PROS1: variants seen among roughly 807,000 people sequenced by gnomAD.
PROS1 encodes vitamin K-dependent protein S.
Under a neutral mutation model 75.9 loss-of-function variants are expected in PROS1, and 29 were observed. The ratio of observed to expected loss-of-function variants is 0.38; its 90% CI spans 0.28 to 0.52. The LOEUF is 0.52. PROS1 is among the 20% of genes least tolerant of loss of function. The pLI is 0.83. For synonymous variants in PROS1, 245 were observed against 280.6 expected (o/e 0.87, Z 1.27); for missense variants, 680 against 810.3 (o/e 0.84, Z 1.95).
intron 3 of PROS1, among the ~76,000 whole-genome samples, chr3:93,913,763 C>T (rs755682129): frequency 2.0e-5 from 3 of 152,142 alleles, no homozygotes; most frequent in Non-Finnish European, 2.9e-5. Context: ...ATACTAGCAC[C>T]AACTCAAAAG....
chr3:93,889,314 T>A lies in PROS1; in HGVS notation c.1156-2811A>T, dbSNP rs8178646. On this transcript the variant is annotated intron_variant, in intron 10 of 14. Coordinates refer to ENST00000394236, the MANE Select transcript of PROS1 (RefSeq NM_000313.4). Reference sequence around the variant, plus strand: ...ACGCAAGCTCCATAAGAGCACTGACTTTTTTTTATTTGCTGTTGTATCTTT... The same window carrying A: ...ACGCAAGCTCCATAAGAGCACTGACATTTTTTTATTTGCTGTTGTATCTTT... Among the ~76,000 whole-genome samples, 950 of 152,160 alleles carry A rather than the reference T, an allele frequency of 6.2e-3. 9 individuals carry two copies. Among genetic ancestry groups the A allele is most frequent in the African/African-American group, 0.018 (761 of 41,516 alleles).
chr3:93,929,174 A>T (rs1709069512), intron 1 of PROS1, among the ~76,000 whole-genome samples: 1 of 152,158 alleles, frequency 6.6e-6, no homozygotes, highest in Non-Finnish European at 1.5e-5. Flanking sequence ...AATGACTTAA[A>T]TATCTATCAA....
chr3:93,957,223 G>A (rs1477796070), intron 1 of PROS1, among the ~76,000 whole-genome samples: 1 of 152,074 alleles, frequency 6.6e-6, no homozygotes, highest in African/African-American at 2.4e-5. Flanking sequence ...TTTATGATAT[G>A]AAACATCAAG....
intron 2 of PROS1, among the ~76,000 whole-genome samples, chr3:93,926,557 G>A (rs1446308506): frequency 6.6e-6 from 1 of 152,140 alleles, no homozygotes. Flanking sequence ...TCTTGAACCC[G>A]GGAAGTGGGG....
At chr3:93,944,239 T>C (rs1298311011) in intron 1 of PROS1, among the ~76,000 whole-genome samples, 2 of 150,818 alleles carry the variant, frequency 1.3e-5, no homozygotes, top group African/African-American at 2.5e-5. Flanking sequence ...CACCTAAAAC[T>C]AACCCAGTTT....
intron 3 of PROS1, among the ~76,000 whole-genome samples, chr3:93,916,219 C>A (rs185716179): frequency 1.3e-5 from 2 of 152,230 alleles, no homozygotes; most frequent in Admixed American, 1.3e-4. Flanking sequence ...ATCTTTGGTT[C>A]ATTTGTCCTT....
chr3:93,912,453 G>A (rs149123387), intron 3 of PROS1, among the ~76,000 whole-genome samples: 1 of 152,238 alleles, frequency 6.6e-6, no homozygotes, highest in African/African-American at 2.4e-5. Context: ...TATGTCTGGG[G>A]CGGGGAGGGG....
At chr3:93,954,856 C>A (rs1186042559) in intron 1 of PROS1, among the ~76,000 whole-genome samples, 1 of 152,138 alleles carries the variant, frequency 6.6e-6, no homozygotes, top group African/African-American at 2.4e-5. Context: ...CCAGAATCTA[C>A]AAAGAACTTC....
chr3:93,909,862 GAAAAT>G (rs1708734004), intron 4 of PROS1, among the ~76,000 whole-genome samples: 1 of 151,702 alleles, frequency 6.6e-6, no homozygotes, highest in Non-Finnish European at 1.5e-5. Context: ...TAAAATCATA[GAAAAT>G]AATAGAAAAT....
chr3:93,969,715 C>T (rs1321127435), intron 1 of PROS1, among the ~76,000 whole-genome samples: 3 of 152,208 alleles, frequency 2.0e-5, no homozygotes, highest in African/African-American at 4.8e-5. Context: ...GTTCAGCTAG[C>T]CATTCAGTAG....
chr3:93,914,012 G>A (rs1370540366), intron 3 of PROS1, among the ~76,000 whole-genome samples: 16 of 152,238 alleles, frequency 1.1e-4, no homozygotes, highest in Admixed American at 1.0e-3. Context: ...TTGACTCTAT[G>A]TCCTGACTTC....
chr3:93,874,276 G>A lies in PROS1; in HGVS notation c.2000C>T (p.Pro667Leu), dbSNP rs1220553873. 2.5e-6 allele frequency: 4 copies of A among 1,613,382 alleles called. No homozygotes were observed. The highest frequency in any genetic ancestry group is 1.3e-5 in the African/African-American group (1 of 75,018). The change falls in exon 15 of 15, where the codon CCA becomes CTA. Residue 667 changes from proline to leucine, a missense_variant. Pro to Leu is a moderately conservative substitution (Grantham distance 98, BLOSUM62 -3). Coordinates refer to ENST00000394236, the MANE Select transcript of PROS1 (RefSeq NM_000313.4). ...KHNDIRAHSC[P>L]SVWKKTKNS ...ATTCTTTGTCTTTTTCCAAACTGAT[G>A]GACATGAGTGAGCTCTAATATCATT... is the stretch of plus-strand genomic sequence containing the variant.
chr3:93,963,785 G>C (rs546143984), intron 1 of PROS1, among the ~76,000 whole-genome samples: 11 of 152,160 alleles, frequency 7.2e-5, no homozygotes, highest in Non-Finnish European at 1.6e-4. Flanking sequence ...TCACCTAGGG[G>C]CTGGTGCTAA....
chr3:93,968,707 T>C (rs975313912), intron 1 of PROS1, among the ~76,000 whole-genome samples: 8 of 152,118 alleles, frequency 5.3e-5, no homozygotes, highest in Non-Finnish European at 1.2e-4. Context: ...GTGTTGCCAT[T>C]TGAAGCTCTT....
In PROS1 at chr3:93,946,044, C is replaced by T. The variant is rs183842568; in HGVS notation, c.77-18637G>A. 1.2e-3 allele frequency among the ~76,000 whole-genome samples: 177 copies of T among 152,228 alleles called. 2 individuals carry two copies. The East Asian group carries it at 0.013, about 11-fold the overall frequency. On this transcript the variant is annotated intron_variant, in intron 1 of 14. Coordinates refer to ENST00000394236, the MANE Select transcript of PROS1 (RefSeq NM_000313.4). ...ACAGAGAGCCAAATCATGAGTGAAC[C>T]GCCATTCACAATTGCTTCAAAGAGA...
At chr3:93,943,872 C>T (rs1029514630) in intron 1 of PROS1, among the ~76,000 whole-genome samples, 1 of 152,128 alleles carries the variant, frequency 6.6e-6, no homozygotes, top group African/African-American at 2.4e-5. Context: ...ACCTTGTGAC[C>T]CCTGCCCCTG....
At chr3:93,914,343 T>C (rs1559937586) in intron 3 of PROS1, among the ~76,000 whole-genome samples, 1 of 152,216 alleles carries the variant, frequency 6.6e-6, no homozygotes, top group African/African-American at 2.4e-5. Context: ...CCACAGCTCT[T>C]GCATTCTGTG....
intron 7 of PROS1, 92 bp downstream of exon 7, chr3:93,900,712 T>C (rs766067520): frequency 5.9e-6 from 9 of 1,533,664 alleles, no homozygotes; most frequent in Non-Finnish European, 8.1e-6. Context: ...AATATGACTG[T>C]TGATGTCAAA....
intron 3 of PROS1, chr3:93,910,937 TCTC>T: frequency 3.9e-6 from 2 of 516,548 alleles, no homozygotes; most frequent in South Asian, 2.3e-5. Flanking sequence ...GACAGCTTCT[TCTC>T]TCTGGAGAAG....
Sources: allele counts gnomAD v4.1 joint callset (sites outside exome capture counted in the v4.1 genomes callset), GRCh38; gene constraint gnomAD v4.1.1; transcripts MANE v1.5; gene names NCBI Gene and HGNC (gene_info 2026-07-23, HGNC 2026-07-21).